CRB2: variants seen among roughly 807,000 people sequenced by gnomAD.
The protein encoded by CRB2 is crumbs cell polarity complex component 2.
Under a neutral mutation model 110.9 loss-of-function variants are expected in CRB2, and 85 were observed. That is an observed-to-expected ratio of 0.77 (90% CI 0.64 to 0.92). CRB2 has a LOEUF of 0.92. Ranked by LOEUF, CRB2 falls within the 40% of genes least tolerant of loss-of-function variation. The pLI, the probability that CRB2 is intolerant of heterozygous loss-of-function variation, is 0.00. For missense variants in CRB2, 1,843 were observed against 1,851.3 expected, an observed-to-expected ratio of 1.00 and a Z score of 0.08; for synonymous variants, 907 against 831.0, an observed-to-expected ratio of 1.09 and a Z score of -1.57.
At chr9:123,380,204 A>G (rs1038534587), downstream of CRB2, 1 of 152,380 alleles carries the variant, frequency 6.6e-6, no homozygotes, top group Non-Finnish European at 1.5e-5. Context: ...CGTGTCTCAG[A>G]TGGTTGTTTT....
At position 123,373,697 on chromosome 9, in the gene CRB2, G is replaced by A. The variant is rs776030299; in HGVS notation, c.3166G>A (p.Gly1056Ser). The A allele has an allele frequency of 2.0e-6, 3 of 1,488,492 alleles. No homozygotes were observed. Among genetic ancestry groups the A allele is most frequent in the Non-Finnish European group, 1.8e-6 (2 of 1,130,852 alleles). 92.2% of individuals were successfully genotyped at this position (1,488,492 alleles called of 1,614,324 possible). Residue 1056 changes from glycine to serine, a missense_variant, in exon 10 of 13, where the codon GGC becomes AGC. By Grantham distance (56) the Gly-to-Ser change is moderately conservative (BLOSUM62 0). Transcript: ENST00000373631. ...GCCGGCCCCGATCCTCGGCTGCCGC[G>A]GCGCGCCCGTGTGTGCGCCCTCGCC... ...GTPAPILGCR[G>S]APVCAPSPCL...
At chr9:123,368,902 CG>C (rs1564373128) in intron 6 of CRB2, 6 of 1,267,062 alleles carry the variant, frequency 4.7e-6, no homozygotes, top group African/African-American at 1.5e-5. Context: ...GCAATGGAGC[CG>C]GGGGCTCTGT....
Position 123,366,363 on chromosome 9 carries a change from C to A in CRB2, c.751C>A (p.Pro251Thr). ...CGGGAGCTTCCGCTGCCTCTGTTGG[C>A]CAGGTGTGTGCGTGCAGGTGCGCGG... Reference protein sequence around the residue: ...GLGSFRCLCWPGYSGELCEVD... With the variant: ...GLGSFRCLCWTGYSGELCEVD... Residue 251 changes from proline to threonine, a missense_variant, in exon 4 of 13, where the codon CCA (proline) becomes ACA (threonine). Transcript: ENST00000373631. 2 of 1,548,686 alleles carry A rather than the reference C, an allele frequency of 1.3e-6. No homozygotes were observed. Among genetic ancestry groups the A allele is most frequent in the Non-Finnish European group, 1.7e-6 (2 of 1,159,408 alleles).
Position 123,377,236 on chromosome 9 carries a change from G to C in CRB2, c.*174G>C. 1 of 637,016 alleles carries C rather than the reference G, an allele frequency of 1.6e-6. No individual in the cohort carries two copies. Among genetic ancestry groups the C allele is most frequent in the Non-Finnish European group, 2.7e-6 (1 of 375,910 alleles). 39.5% of individuals were successfully genotyped at this position (637,016 alleles called of 1,614,324 possible). A position where few individuals can be genotyped will look rare whatever the true frequency, so the allele number is the denominator to read the frequency against. ...TGGAGGACGAGGGGAGCAACTCAGG[G>C]AAACAGAGGCCTAGAGAGGCTGCGG... On this transcript the variant is annotated 3_prime_UTR_variant, in exon 13 of 13. Transcript: ENST00000373631.
chr9:123,356,740 T>C (rs990596015), intron 1 of CRB2, among the ~76,000 whole-genome samples: 8 of 151,946 alleles, frequency 5.3e-5, no homozygotes, highest in Admixed American at 3.3e-4. Context: ...GCAGGTGGCA[T>C]AAGCCTCACC....
In CRB2 at chr9:123,359,436, GTTTTGT is replaced by G. The variant is rs1554781688; in HGVS notation, c.94+3087_94+3092del. Among the ~76,000 whole-genome samples the G allele has an allele frequency of 1.8e-4, 11 of 62,432 alleles. No homozygotes were observed. In the East Asian group the frequency reaches 3.2e-3, roughly 18 times the overall value. 41.0% of individuals were successfully genotyped at this position (62,432 alleles called of 152,430 possible). ...TTTTTGTTTGTGGTTTTTCGTTTTT[GTTTTGT>G]TTTTTTTTTTTTTTTTTTTTTTTTA... On this transcript the variant is annotated intron_variant, in intron 1 of 12. Coordinates refer to ENST00000373631, the MANE Select transcript of CRB2 (RefSeq NM_173689.7).
At position 123,374,673 on chromosome 9, in the gene CRB2, C is replaced by T. The variant is rs576399870; in HGVS notation, c.3484C>T (p.Leu1162=). 87 of 1,611,328 alleles carry T rather than the reference C, an allele frequency of 5.4e-5. No homozygotes were observed. In the South Asian group the frequency reaches 9.1e-4, roughly 17 times the overall value. Residue 1162 remains leucine, a synonymous_variant, in exon 11 of 13, where the codon CTG becomes TTG. Transcript: ENST00000373631. Reference sequence around the variant, plus strand: ...CTCTCCCGCTGCCAACTGCAGCTGCCTGGAGGGTCTTGCTGGCCAGAGGTG... The same window carrying T: ...CTCTCCCGCTGCCAACTGCAGCTGCTTGGAGGGTCTTGCTGGCCAGAGGTG... ...GGSPAANCSC[L]EGLAGQRCQV... is the part of the protein sequence containing the mutation.
chr9:123,361,037 C>T lies in CRB2; in HGVS notation c.95-1828C>T, dbSNP rs529216226. Among the ~76,000 whole-genome samples, 440 of 152,148 alleles carry T rather than the reference C, an allele frequency of 2.9e-3. 4 individuals carry two copies. The highest frequency in any genetic ancestry group is 9.9e-3 in the African/African-American group (412 of 41,488). ...TGGGAAGATCCCTTGTGACAAGGCACCTCCCCCGCCCCCCAGGATCCTTTC... is the reference window on the plus strand; with the variant it reads ...TGGGAAGATCCCTTGTGACAAGGCATCTCCCCCGCCCCCCAGGATCCTTTC... On this transcript the variant is annotated intron_variant, in intron 1 of 12. Coordinates refer to ENST00000373631, the MANE Select transcript of CRB2 (RefSeq NM_173689.7).
chr9:123,378,693 C>T lies in CRB2; in HGVS notation c.*1631C>T, dbSNP rs2042145219. 1 of 151,696 alleles carries T rather than the reference C, an allele frequency of 6.6e-6. No homozygotes were observed. The highest frequency in any genetic ancestry group is 2.4e-5 in the African/African-American group (1 of 41,278). The allele number at this position is 151,696 out of a possible 1,614,324, so 9.4% of individuals were successfully genotyped here. On this transcript the variant is annotated 3_prime_UTR_variant, in exon 13 of 13. Coordinates refer to ENST00000373631, the MANE Select transcript of CRB2 (RefSeq NM_173689.7). ...TTTACTAAGTTAGAGATTTGGAAAACCTGTGTCAGCTGTAACTCCTAGGAT... is the reference window on the plus strand; with the variant it reads ...TTTACTAAGTTAGAGATTTGGAAAATCTGTGTCAGCTGTAACTCCTAGGAT...
At chr9:123,372,489 G>C (rs1410961240) in intron 9 of CRB2, 147 bp downstream of exon 9, 1 of 1,021,746 alleles carries the variant, frequency 9.8e-7, no homozygotes, top group Non-Finnish European at 1.4e-6. Context: ...CGCATGTAGA[G>C]GGACAGAGTT....
chr9:123,376,766 C>G (rs948128676), intron 12 of CRB2, 72 bp from the exon 13 acceptor site: 1 of 1,384,350 alleles, frequency 7.2e-7, no homozygotes, highest in Non-Finnish European at 9.9e-7. Flanking sequence ...GTGCTGCGCT[C>G]TCTGCTCTCT....
At chr9:123,372,464 G>A in intron 9 of CRB2, 122 bp downstream of exon 9, 1 of 1,277,536 alleles carries the variant, frequency 7.8e-7, no homozygotes, top group Non-Finnish European at 1.1e-6. Context: ...CCCTAGGGCA[G>A]TGTGGCGGGG....
chr9:123,362,962 G>A lies in CRB2; in HGVS notation c.192G>A (p.Gly64=). The part of the protein sequence containing the change: ...QATESGGYTC[G]PMEPRGCATQ... Reference sequence around the variant, plus strand: ...CCGAGAGTGGTGGCTATACCTGTGGGCCCATGGAGCCCCGGGGCTGTGCCA... The same window carrying A: ...CCGAGAGTGGTGGCTATACCTGTGGACCCATGGAGCCCCGGGGCTGTGCCA... The change falls in exon 2 of 13, where the codon GGG becomes GGA. Residue 64 remains glycine, a synonymous_variant. Coordinates refer to ENST00000373631, the MANE Select transcript of CRB2 (RefSeq NM_173689.7). 6.2e-7 allele frequency: 1 copy of A among 1,611,378 alleles called. No homozygotes were observed. Among genetic ancestry groups the A allele is most frequent in the Non-Finnish European group, 8.5e-7 (1 of 1,178,714 alleles).
At chr9:123,374,896 T>C (rs74867537) in intron 11 of CRB2, among the ~76,000 whole-genome samples, 4,074 of 152,330 alleles carry the variant, frequency 0.027, 261 homozygotes, top group East Asian at 0.17. Context: ...GGTTGCCTGG[T>C]GGCAGTTCTG....
intron 2 of CRB2, 66 bp downstream of exon 2, chr9:123,363,254 A>ATGCAGATC: frequency 2.2e-5 from 32 of 1,485,274 alleles, no homozygotes; most frequent in Non-Finnish European, 2.8e-5. Flanking sequence ...TCAGAGTGTA[A>ATGCAGATC]GCATCATGGC....
downstream of CRB2, among the ~76,000 whole-genome samples, chr9:123,378,940 A>G (rs1204080004): frequency 6.7e-6 from 1 of 148,590 alleles, no homozygotes; most frequent in Non-Finnish European, 1.5e-5. Flanking sequence ...CAGCCTCTGG[A>G]GTAGCTGGGA....
rs2132780561 is a variant in CRB2, at chr9:123,371,387, G to A, written c.2245G>A (p.Gly749Arg). Residue 749 changes from glycine to arginine, a missense_variant, in exon 8 of 13, where the codon GGG (glycine) becomes AGG (arginine). Coordinates refer to ENST00000373631, the MANE Select transcript of CRB2 (RefSeq NM_173689.7). ...QDLGQHVHVG[G>R]RLLAADSQPW... ...CCTGGGGCAGCACGTGCACGTGGGTGGGAGGCTCCTTGCTGCCGACAGCCA... is the reference window on the plus strand; with the variant it reads ...CCTGGGGCAGCACGTGCACGTGGGTAGGAGGCTCCTTGCTGCCGACAGCCA... 1.9e-6 allele frequency: 3 copies of A among 1,607,906 alleles called. No individual in the cohort carries two copies. Among genetic ancestry groups the A allele is most frequent in the Non-Finnish European group, 2.5e-6 (3 of 1,176,880 alleles).
At chr9:123,364,316 G>T (rs1276125849) in intron 2 of CRB2, among the ~76,000 whole-genome samples, 1 of 152,186 alleles carries the variant, frequency 6.6e-6, no homozygotes, top group Non-Finnish European at 1.5e-5. Context: ...GCAGTGGGTT[G>T]TTCGGGCAGT....
intron 10 of CRB2, among the ~76,000 whole-genome samples, 166 bp from the exon 11 acceptor site, chr9:123,374,413 C>A (rs1260666613): frequency 6.6e-6 from 1 of 152,090 alleles, no homozygotes; most frequent in African/African-American, 2.4e-5. Context: ...GCGAGTGCAA[C>A]CCTGTGTCCC....
Sources: gnomAD v4.1 joint callset for allele counts (sites outside exome capture counted in the v4.1 genomes callset) on GRCh38, gnomAD v4.1.1 for gene constraint, MANE v1.5 for transcripts, NCBI Gene and HGNC (gene_info 2026-07-23, HGNC 2026-07-21) for gene names.